Variants in PPP6R3 observed in about 807,000 individuals in gnomAD.
PPP6R3 encodes serine/threonine-protein phosphatase 6 regulatory subunit 3.
Under a neutral mutation model 110.7 loss-of-function variants are expected in PPP6R3, and 38 were observed. That is an observed-to-expected ratio of 0.34 (90% CI 0.26 to 0.45). The LOEUF (loss-of-function observed/expected upper bound fraction) is 0.45, where lower values mean the gene tolerates loss of function less well. Ranked by LOEUF, PPP6R3 falls within the 20% of genes least tolerant of loss-of-function variation. PPP6R3 has a pLI of 1.00. For missense variants in PPP6R3, 870 were observed against 1,062.4 expected, an observed-to-expected ratio of 0.82 and a Z score of 2.52; for synonymous variants, 369 against 373.5, an observed-to-expected ratio of 0.99 and a Z score of 0.14.
intron 15 of PPP6R3, among the ~76,000 whole-genome samples, chr11:68,585,885 A>G (rs2099576938): frequency 6.6e-6 from 1 of 152,188 alleles, no homozygotes; most frequent in Non-Finnish European, 1.5e-5. Flanking sequence ...CTATTTTTGA[A>G]GCATTTAAAA....
intron 10 of PPP6R3, among the ~76,000 whole-genome samples, chr11:68,567,377 G>C (rs1350378953): frequency 1.3e-5 from 2 of 152,154 alleles, no homozygotes; most frequent in African/African-American, 4.8e-5. Flanking sequence ...TTTATATAAA[G>C]AATTGTAACA....
chr11:68,466,652 G>A (rs2098748708), intron 1 of PPP6R3, among the ~76,000 whole-genome samples: 1 of 147,902 alleles, frequency 6.8e-6, no homozygotes, highest in Non-Finnish European at 1.5e-5. Context: ...TCACACTGTC[G>A]CCCGGGCTGG....
At chr11:68,468,785 A>G (rs1036028613) in intron 1 of PPP6R3, among the ~76,000 whole-genome samples, 2 of 152,240 alleles carry the variant, frequency 1.3e-5, no homozygotes, top group Non-Finnish European at 2.9e-5. Context: ...ATTAGAACAT[A>G]TATAACATAA....
intron 1 of PPP6R3, among the ~76,000 whole-genome samples, chr11:68,507,238 C>A (rs1592213978): frequency 8.0e-6 from 1 of 125,096 alleles, no homozygotes; most frequent in Non-Finnish European, 1.7e-5. Context: ...TCACAGTAGT[C>A]TTTTTGCATT....
At chr11:68,588,568 C>T (rs2099585920) in intron 16 of PPP6R3, among the ~76,000 whole-genome samples, 1 of 151,912 alleles carries the variant, frequency 6.6e-6, no homozygotes, top group South Asian at 2.1e-4. Context: ...CGCCATTCTC[C>T]TGCCTCAGCC....
intron 1 of PPP6R3, among the ~76,000 whole-genome samples, chr11:68,509,648 A>G (rs1343255246): frequency 4.6e-5 from 7 of 151,426 alleles, no homozygotes; most frequent in South Asian, 4.2e-4. Flanking sequence ...TGTCACTCCT[A>G]TCACCCAGGT....
At chr11:68,578,786 A>G (rs1394190361) in intron 14 of PPP6R3, among the ~76,000 whole-genome samples, 2 of 152,176 alleles carry the variant, frequency 1.3e-5, no homozygotes, top group East Asian at 3.8e-4. Flanking sequence ...TGGCTCCATC[A>G]TACCCAAATA....
At chr11:68,508,767 C>G (rs1363677643) in intron 1 of PPP6R3, among the ~76,000 whole-genome samples, 1 of 150,188 alleles carries the variant, frequency 6.7e-6, no homozygotes, top group South Asian at 2.1e-4. Context: ...GAAGAGAAAT[C>G]TTTTGACAGG....
At chr11:68,500,120 C>G (rs1353186220) in intron 1 of PPP6R3, among the ~76,000 whole-genome samples, 1 of 152,094 alleles carries the variant, frequency 6.6e-6, no homozygotes, top group Non-Finnish European at 1.5e-5. Flanking sequence ...AATAAGGACT[C>G]TTAACCGTAA....
intron 1 of PPP6R3, among the ~76,000 whole-genome samples, chr11:68,499,719 C>T (rs554305627): frequency 3.9e-5 from 6 of 152,098 alleles, no homozygotes; most frequent in South Asian, 2.1e-4. Flanking sequence ...CCCACAGTTG[C>T]GCGCACCACC....
chr11:68,588,387 C>G (rs911053933), intron 16 of PPP6R3, among the ~76,000 whole-genome samples: 7 of 152,060 alleles, frequency 4.6e-5, no homozygotes, highest in African/African-American at 1.2e-4. Context: ...GTAATCCCAG[C>G]TACTCAGGAG....
In PPP6R3 at chr11:68,614,934, C is replaced by T. The variant is rs180906394; in HGVS notation, c.*1817C>T. 2.9e-4 allele frequency: 193 copies of T among 672,470 alleles called. 1 individual carries two copies. Among genetic ancestry groups the T allele is most frequent in the East Asian group, 2.3e-3 (74 of 31,726 alleles). The allele number at this position is 672,470 out of a possible 1,614,324, so 41.7% of individuals were successfully genotyped here. A position where few individuals can be genotyped will look rare whatever the true frequency, so the allele number is the denominator to read the frequency against. ...TTTGCCAGCCATGGCCAGGGTTTGG[C>T]TCCACTGGTGGCACACGTGGCCTCC... On this transcript the variant is annotated 3_prime_UTR_variant, in exon 24 of 24. Transcript: ENST00000393800.
intron 2 of PPP6R3, among the ~76,000 whole-genome samples, chr11:68,523,740 C>T (rs2099178768): frequency 8.2e-6 from 1 of 121,532 alleles, no homozygotes; most frequent in African/African-American, 3.1e-5. Context: ...TTCTCTTGGC[C>T]AAGAGGTGGG....
chr11:68,607,246 G>A (rs1940635852), intron 22 of PPP6R3, among the ~76,000 whole-genome samples: 1 of 152,182 alleles, frequency 6.6e-6, no homozygotes, highest in African/African-American at 2.4e-5. Context: ...GACTTGCCCT[G>A]CCAGATAGTC....
Position 68,558,370 on chromosome 11 carries a change from G to A in PPP6R3, c.732-196G>A, listed in dbSNP as rs530045714. On this transcript the variant is annotated intron_variant, in intron 7 of 23. Transcript: ENST00000393800. ...GAAGGGTGAGTGAGTGAGTGTGTTT[G>A]TGTGCGGGTGCATGTGTGTAATTTA... The A allele has an allele frequency of 2.3e-4, 88 of 383,074 alleles. 4 individuals carry two copies. In the South Asian group the frequency reaches 2.6e-3, roughly 11 times the overall value. The allele number at this position is 383,074 out of a possible 1,614,324, so 23.7% of individuals were successfully genotyped here.
At chr11:68,521,495 T>G (rs947203201) in intron 2 of PPP6R3, among the ~76,000 whole-genome samples, 4 of 152,194 alleles carry the variant, frequency 2.6e-5, no homozygotes, top group African/African-American at 9.7e-5. Flanking sequence ...CTCCTCCTTT[T>G]ACACATCTCT....
chr11:68,466,269 A>G (rs1287309017), intron 1 of PPP6R3, among the ~76,000 whole-genome samples: 1 of 151,966 alleles, frequency 6.6e-6, no homozygotes, highest in Non-Finnish European at 1.5e-5. Flanking sequence ...GAGGAGGGAG[A>G]TAGTTGCTAG....
chr11:68,479,543 C>T (rs1390481342), intron 1 of PPP6R3, among the ~76,000 whole-genome samples: 1 of 152,178 alleles, frequency 6.6e-6, no homozygotes, highest in Non-Finnish European at 1.5e-5. Flanking sequence ...TTTGACAGCA[C>T]TTTCATCTTC....
At chr11:68,566,237 GGCTGCTGCT>G (rs59680768) in intron 9 of PPP6R3, among the ~76,000 whole-genome samples, 82 of 151,270 alleles carry the variant, frequency 5.4e-4, no homozygotes, top group Admixed American at 3.6e-3. Flanking sequence ...CCACCACCAC[GGCTGCTGCT>G]GCTGCTGCTG....
Sources: gnomAD v4.1 joint callset for allele counts (sites outside exome capture counted in the v4.1 genomes callset) on GRCh38, gnomAD v4.1.1 for gene constraint, MANE v1.5 for transcripts, NCBI Gene and HGNC (gene_info 2026-07-23, HGNC 2026-07-21) for gene names.